The following PSD2 variants were observed in gnomAD, a reference collection of about 807,000 sequenced individuals.
The protein encoded by PSD2 is PH and SEC7 domain-containing protein 2.
In PSD2, 38 loss-of-function variants were observed where a neutral mutation model predicts 69.8. That is an observed-to-expected ratio of 0.54 (90% CI 0.42 to 0.71). The LOEUF (loss-of-function observed/expected upper bound fraction) is 0.71. Among genes scored for constraint, PSD2 ranks in the 30% least tolerant of loss-of-function variants. The probability of loss-of-function intolerance (pLI) is 0.00; values close to 1 mark genes in which losing one functional copy is unlikely to be tolerated. For missense variants in PSD2, 943 were observed against 1,014.5 expected (o/e 0.93, Z 0.96); for synonymous variants, 412 against 423.0 (o/e 0.97, Z 0.32).
At chr5:139,829,632 T>TA (rs1760519559) in intron 7 of PSD2, among the ~76,000 whole-genome samples, 2 of 152,244 alleles carry the variant, frequency 1.3e-5, no homozygotes. Context: ...TAGCATGTTT[T>TA]CAAGATTCAT....
At chr5:139,802,356 G>C (rs894509081) in intron 1 of PSD2, among the ~76,000 whole-genome samples, 1 of 152,024 alleles carries the variant, frequency 6.6e-6, no homozygotes, top group African/African-American at 2.4e-5. Context: ...AGACTGTGGG[G>C]AGCTACTCAG....
chr5:139,762,891 C>T, the PSD2 span, among the ~76,000 whole-genome samples: 1 of 151,966 alleles, frequency 6.6e-6, no homozygotes, highest in Non-Finnish European at 1.5e-5. Flanking sequence ...GGGGGGAGAG[C>T]AGCGGAGTCG....
At chr5:139,832,609 AGTT>A (rs1446400745) in intron 7 of PSD2, among the ~76,000 whole-genome samples, 1 of 152,240 alleles carries the variant, frequency 6.6e-6, no homozygotes, top group African/African-American at 2.4e-5. Flanking sequence ...ATGTAAATAA[AGTT>A]GTTCTATTAT....
chr5:139,826,237 T>C (rs1760417059), intron 7 of PSD2, among the ~76,000 whole-genome samples: 1 of 152,048 alleles, frequency 6.6e-6, no homozygotes, highest in African/African-American at 2.4e-5. Context: ...GGCGAGGGTG[T>C]GGTGGCCATA....
the PSD2 span, among the ~76,000 whole-genome samples, chr5:139,743,255 G>A: frequency 2.6e-5 from 4 of 152,216 alleles, no homozygotes; most frequent in African/African-American, 4.8e-5. Flanking sequence ...TTGCTGGAGG[G>A]CCCTCACCCA....
intron 7 of PSD2, among the ~76,000 whole-genome samples, chr5:139,824,395 T>C (rs957774936): frequency 8.1e-5 from 6 of 74,332 alleles, no homozygotes; most frequent in African/African-American, 4.7e-4. Flanking sequence ...CTCTCTCTTG[T>C]TTTTTTTTTT....
Position 139,843,813 on chromosome 5 carries a change from A to T in PSD2, c.*1339A>T, listed in dbSNP as rs1225943404. On this transcript the variant is annotated 3_prime_UTR_variant, in exon 15 of 15. Coordinates refer to ENST00000274710, the MANE Select transcript of PSD2 (RefSeq NM_032289.4). ...TCCAACTGACAAGTGGGTGGGGGTGATGGCACATTCAGTGTGGCTATGAAG... is the reference window on the plus strand; with the variant it reads ...TCCAACTGACAAGTGGGTGGGGGTGTTGGCACATTCAGTGTGGCTATGAAG... 6.6e-6 allele frequency: 1 copy of T among 152,240 alleles called. No homozygotes were observed. The highest frequency in any genetic ancestry group is 6.5e-5 in the Admixed American group (1 of 15,280). 9.4% of individuals were successfully genotyped at this position (152,240 alleles called of 1,614,324 possible).
chr5:139,777,298 A>G, the PSD2 span, among the ~76,000 whole-genome samples: 1 of 152,220 alleles, frequency 6.6e-6, no homozygotes, highest in Non-Finnish European at 1.5e-5. Context: ...TGCACAAGGG[A>G]AAAATATCCC....
At chr5:139,781,627 G>T in the PSD2 span, among the ~76,000 whole-genome samples, 1 of 148,342 alleles carries the variant, frequency 6.7e-6, no homozygotes, top group South Asian at 2.1e-4. Flanking sequence ...GAGCCACGGC[G>T]CCTGGCCTTT....
intron 5 of PSD2, among the ~76,000 whole-genome samples, chr5:139,819,435 C>T (rs1241511169): frequency 6.6e-6 from 1 of 152,326 alleles, no homozygotes; most frequent in Middle Eastern, 3.4e-3. Flanking sequence ...AGGTTTTCTG[C>T]TTAGCCTTTT....
upstream of PSD2, among the ~76,000 whole-genome samples, chr5:139,794,328 G>T (rs772479443): frequency 2.6e-5 from 4 of 152,202 alleles, no homozygotes; most frequent in Non-Finnish European, 5.9e-5. Flanking sequence ...CACATGAAGA[G>T]CACTTGGTAG....
the PSD2 span, among the ~76,000 whole-genome samples, chr5:139,780,057 A>G: frequency 6.6e-6 from 1 of 152,236 alleles, no homozygotes; most frequent in Non-Finnish European, 1.5e-5. Context: ...ATGCTGCATC[A>G]TAGGGTGGGC....
At chr5:139,827,338 A>G (rs1274448200) in intron 7 of PSD2, among the ~76,000 whole-genome samples, 1 of 152,252 alleles carries the variant, frequency 6.6e-6, no homozygotes, top group East Asian at 1.9e-4. Context: ...CTGTGGTTAT[A>G]GACATAAAAT....
the PSD2 span, among the ~76,000 whole-genome samples, chr5:139,775,630 C>T: frequency 1.3e-5 from 2 of 152,104 alleles, no homozygotes; most frequent in Non-Finnish European, 2.9e-5. Flanking sequence ...ATGAACTCAT[C>T]TGCAGGGGAG....
the PSD2 span, among the ~76,000 whole-genome samples, chr5:139,766,947 T>C: frequency 2.9e-4 from 37 of 125,712 alleles, 1 homozygote; most frequent in South Asian, 5.5e-4. Context: ...CTTTCTTTCT[T>C]TCTTTCTTTC....
chr5:139,781,370 C>G, the PSD2 span, among the ~76,000 whole-genome samples: 3 of 151,540 alleles, frequency 2.0e-5, no homozygotes, highest in East Asian at 5.8e-4. Context: ...GAGTCTTGCT[C>G]TGTTGCCCAG....
At chr5:139,838,866 C>A in intron 13 of PSD2, 94 bp downstream of exon 13, 1 of 1,349,184 alleles carries the variant, frequency 7.4e-7, no homozygotes, top group Non-Finnish European at 1.0e-6. Context: ...TGTCTCTAGG[C>A]TGGGTGATCC....
At chr5:139,775,393 G>C in the PSD2 span, 4 of 152,286 alleles carry the variant, frequency 2.6e-5, no homozygotes, top group African/African-American at 9.7e-5. Context: ...GCCCATCTGC[G>C]GCACTCTCGG....
At chr5:139,754,214 T>C in the PSD2 span, among the ~76,000 whole-genome samples, 1 of 151,028 alleles carries the variant, frequency 6.6e-6, no homozygotes, top group African/African-American at 2.4e-5. Flanking sequence ...ATGCCTATAA[T>C]CCCAATACTT....
Sources: gnomAD v4.1 joint callset for allele counts (sites outside exome capture counted in the v4.1 genomes callset) on GRCh38, gnomAD v4.1.1 for gene constraint, MANE v1.5 for transcripts, NCBI Gene and HGNC (gene_info 2026-07-23, HGNC 2026-07-21) for gene names.